PDSS2: variants seen among roughly 807,000 people sequenced by gnomAD.
PDSS2 encodes the protein all trans-polyprenyl-diphosphate synthase PDSS2.
In PDSS2, 31 loss-of-function variants were observed where a neutral mutation model predicts 44.5. That is an observed-to-expected ratio of 0.70 (90% confidence interval 0.52 to 0.94). The LOEUF is 0.94. Ranked by LOEUF, PDSS2 falls within the 40% of genes least tolerant of loss-of-function variation. The probability of loss-of-function intolerance (pLI) is 0.00; values close to 1 mark genes in which losing one functional copy is unlikely to be tolerated. For missense variants in PDSS2, 452 were observed against 482.2 expected, an observed-to-expected ratio of 0.94 and a Z score of 0.59; for synonymous variants, 157 against 180.3, an observed-to-expected ratio of 0.87 and a Z score of 1.03.
intron 2 of PDSS2, among the ~76,000 whole-genome samples, chr6:107,276,061 G>A (rs1775769273): frequency 7.5e-6 from 1 of 134,226 alleles, no homozygotes; most frequent in South Asian, 2.4e-4. Flanking sequence ...CAAAGTTATA[G>A]TGAACTGACT....
chr6:107,258,225 T>A (rs1416144487), intron 3 of PDSS2, among the ~76,000 whole-genome samples: 1 of 152,178 alleles, frequency 6.6e-6, no homozygotes, highest in Non-Finnish European at 1.5e-5. Context: ...CAAAAATCTT[T>A]AGCTCTCTGA....
chr6:107,392,100 T>G (rs1481610452), intron 1 of PDSS2, among the ~76,000 whole-genome samples: 1 of 152,194 alleles, frequency 6.6e-6, no homozygotes, highest in East Asian at 1.9e-4. Context: ...TAGACTCTTC[T>G]ATTATTAAAA....
chr6:107,221,990 C>T (rs1773623537), intron 4 of PDSS2, among the ~76,000 whole-genome samples: 2 of 152,142 alleles, frequency 1.3e-5, no homozygotes, highest in South Asian at 2.1e-4. Flanking sequence ...ATGCAAATGT[C>T]GCCTGTTTTC....
chr6:107,411,949 G>C (rs1440644545), intron 1 of PDSS2, among the ~76,000 whole-genome samples: 1 of 136,732 alleles, frequency 7.3e-6, no homozygotes, highest in Non-Finnish European at 1.5e-5. Flanking sequence ...GCAATGGCAT[G>C]ATCTTGGCTC....
At position 107,459,091 on chromosome 6, in the gene PDSS2, G is replaced by A. The variant is rs1782157399; in HGVS notation, c.195C>T (p.Ser65=). Residue 65 remains serine (S), a synonymous_variant, in exon 1 of 8, where the codon TCC becomes TCT. Coordinates refer to ENST00000369037, the MANE Select transcript of PDSS2 (RefSeq NM_020381.4). This position sits in a 1 kb window ranked among gnomAD's most constrained non-coding sequence, Gnocchi z 4.3. ...TCAGCAGGCAGCGAAGGCTCATGAA[G>A]GACGTGGGGTACCCCACGATCTTCT... ...EAEKIVGYPT[S]FMSLRCLLSD... 2 of 1,614,158 alleles carry A rather than the reference G, an allele frequency of 1.2e-6. No individual in the cohort carries two copies. The highest frequency in any genetic ancestry group is 2.2e-5 in the East Asian group (1 of 44,866).
intron 1 of PDSS2, among the ~76,000 whole-genome samples, chr6:107,407,978 T>G (rs1006956921): frequency 2.0e-5 from 3 of 152,118 alleles, no homozygotes; most frequent in African/African-American, 7.2e-5. Context: ...GGATTACAAG[T>G]GTGAGCCACC....
chr6:107,257,206 A>C (rs1775052061), intron 3 of PDSS2, among the ~76,000 whole-genome samples: 1 of 150,886 alleles, frequency 6.6e-6, no homozygotes, highest in South Asian at 2.1e-4. Flanking sequence ...GAAATAAAAT[A>C]AATCTGGGAT....
At chr6:107,156,371 T>A (rs1333901036) in intron 7 of PDSS2, among the ~76,000 whole-genome samples, 1 of 151,994 alleles carries the variant, frequency 6.6e-6, no homozygotes, top group African/African-American at 2.4e-5. Context: ...ATTTTTTGTA[T>A]TTTTAGTACA....
rs185728513 is a variant in PDSS2, at chr6:107,324,345, A to G, written c.431+9853T>C. Among the ~76,000 whole-genome samples, 382 of 152,318 alleles carry G rather than the reference A, an allele frequency of 2.5e-3. 5 individuals are homozygous for G. Among genetic ancestry groups the G allele is most frequent in the Middle Eastern group, 0.014 (4 of 294 alleles). ...TAGGAAATTATTTCCAAAAGCCTAC[A>G]CTAAATTCAATTATTCTGCATAATC... On this transcript the variant is annotated intron_variant, in intron 2 of 7. Transcript: ENST00000369037.
At chr6:107,214,260 C>A (rs536348980) in intron 4 of PDSS2, among the ~76,000 whole-genome samples, 4 of 152,020 alleles carry the variant, frequency 2.6e-5, no homozygotes, top group Non-Finnish European at 4.4e-5. Flanking sequence ...CCCGCCACCA[C>A]GCCCAGCTAA....
chr6:107,162,362 G>A (rs974954350), intron 7 of PDSS2, among the ~76,000 whole-genome samples: 4 of 151,484 alleles, frequency 2.6e-5, no homozygotes, highest in African/African-American at 9.7e-5. Context: ...GTATGGTGGC[G>A]TGCACCTGTA....
intron 6 of PDSS2, among the ~76,000 whole-genome samples, chr6:107,204,739 C>G (rs1268451909): frequency 1.3e-5 from 2 of 152,206 alleles, no homozygotes; most frequent in Non-Finnish European, 2.9e-5. Context: ...CTATGCTCCC[C>G]AAGTGGCATG....
intron 4 of PDSS2, among the ~76,000 whole-genome samples, chr6:107,235,391 G>T (rs1447239455): frequency 6.6e-6 from 1 of 152,188 alleles, no homozygotes; most frequent in Non-Finnish European, 1.5e-5. Flanking sequence ...AATAATTCCT[G>T]TTCCACAAGT....
chr6:107,191,420 A>T (rs1772376225), intron 7 of PDSS2, among the ~76,000 whole-genome samples: 1 of 152,196 alleles, frequency 6.6e-6, no homozygotes, highest in African/African-American at 2.4e-5. Context: ...TGACTTGGTC[A>T]TGGAACAAGA....
chr6:107,411,007 C>G (rs368436057), intron 1 of PDSS2, among the ~76,000 whole-genome samples: 1 of 152,086 alleles, frequency 6.6e-6, no homozygotes, highest in Non-Finnish European at 1.5e-5. Context: ...GCCTCAGCCT[C>G]CCAACTATCT....
chr6:107,453,710 A>G lies in PDSS2; in HGVS notation c.296+5280T>C, dbSNP rs1038866027. 3.3e-5 allele frequency among the ~76,000 whole-genome samples: 5 copies of G among 152,290 alleles called. No homozygotes were observed. In the South Asian group the frequency reaches 1.0e-3, roughly 32 times the overall value. ...ATCCTAAAATGTTCTAGTTTTTACT[A>G]TTCTAGCTCTATTCATGCTGCTTAT... is the stretch of plus-strand genomic sequence containing the variant. On this transcript the variant is annotated intron_variant, in intron 1 of 7. Coordinates refer to ENST00000369037, the MANE Select transcript of PDSS2 (RefSeq NM_020381.4).
chr6:107,386,739 T>C (rs1263566321), intron 1 of PDSS2, among the ~76,000 whole-genome samples: 1 of 152,218 alleles, frequency 6.6e-6, no homozygotes, highest in African/African-American at 2.4e-5. Flanking sequence ...TAAATCCCAT[T>C]TGACCAGAAA....
intron 1 of PDSS2, among the ~76,000 whole-genome samples, chr6:107,375,954 A>T (rs1221720144): frequency 6.6e-6 from 1 of 151,478 alleles, no homozygotes; most frequent in Non-Finnish European, 1.5e-5. Flanking sequence ...ACAAAATTCA[A>T]CATCCATTTA....
chr6:107,447,729 T>G (rs909506271), intron 1 of PDSS2, among the ~76,000 whole-genome samples: 7 of 152,154 alleles, frequency 4.6e-5, no homozygotes, highest in African/African-American at 1.7e-4. Flanking sequence ...TGAAGGATGT[T>G]TGCTCTCTTC....
Sources: allele counts gnomAD v4.1 joint callset (sites outside exome capture counted in the v4.1 genomes callset), GRCh38; gene constraint gnomAD v4.1.1; non-coding constraint Gnocchi (gnomAD v3.1); transcripts MANE v1.5; gene names NCBI Gene and HGNC (gene_info 2026-07-23, HGNC 2026-07-21).